Variants in SUMF1 observed in about 807,000 individuals in gnomAD.
SUMF1 encodes the protein formylglycine-generating enzyme.
SUMF1 carries 48 observed loss-of-function variants against 47.6 expected under a neutral mutation model. The observed-to-expected ratio is 1.01, with a 90% CI of 0.80 to 1.28. The LOEUF (loss-of-function observed/expected upper bound fraction) is 1.28. SUMF1 is among the 50% of genes most tolerant of loss of function. The probability of loss-of-function intolerance (pLI) is 0.00; values close to 1 mark genes in which losing one functional copy is unlikely to be tolerated. For missense variants in SUMF1, 571 were observed against 485.4 expected, an observed-to-expected ratio of 1.18 and a Z score of -1.66; for synonymous variants, 230 against 192.1, an observed-to-expected ratio of 1.20 and a Z score of -1.63.
At chr3:4,301,808 C>G (rs1697973406) in intron 8 of SUMF1, among the ~76,000 whole-genome samples, 1 of 152,178 alleles carries the variant, frequency 6.6e-6, no homozygotes, top group South Asian at 2.1e-4. Flanking sequence ...AACAGAAATG[C>G]TCAATCATTA....
At chr3:4,231,639 T>C (rs1487635074) in intron 8 of SUMF1, among the ~76,000 whole-genome samples, 1 of 152,152 alleles carries the variant, frequency 6.6e-6, no homozygotes, top group African/African-American at 2.4e-5. Flanking sequence ...TCTTCAAAAA[T>C]CAGGGGCAGG....
chr3:4,174,622 G>C (rs535995989), intron 8 of SUMF1, among the ~76,000 whole-genome samples: 4 of 152,086 alleles, frequency 2.6e-5, no homozygotes, highest in Non-Finnish European at 5.9e-5. Context: ...CATGATCAAC[G>C]CAGAAGACAG....
At chr3:4,268,499 C>CTTTT (rs61066874) in intron 8 of SUMF1, among the ~76,000 whole-genome samples, 1 of 117,312 alleles carries the variant, frequency 8.5e-6, no homozygotes. Context: ...AAATGTTTTT[C>CTTTT]TTTTTTTTTT....
intron 8 of SUMF1, among the ~76,000 whole-genome samples, chr3:4,125,808 C>G (rs1308932381): frequency 6.6e-6 from 1 of 152,122 alleles, no homozygotes; most frequent in East Asian, 1.9e-4. Flanking sequence ...CTCTGGGTAG[C>G]AGGGACTACA....
chr3:4,242,052 G>C (rs1193075539), intron 8 of SUMF1, among the ~76,000 whole-genome samples: 1 of 151,946 alleles, frequency 6.6e-6, no homozygotes. Context: ...CGTTGGTCTA[G>C]GGGTATGATC....
chr3:4,183,631 C>G (rs1358034702), intron 8 of SUMF1, among the ~76,000 whole-genome samples: 1 of 152,052 alleles, frequency 6.6e-6, no homozygotes, highest in African/African-American at 2.4e-5. Context: ...GGATCTACAC[C>G]TAAATAACTC....
chr3:4,077,591 G>C lies in SUMF1; in HGVS notation c.1015-8846C>G, dbSNP rs920196020. Among the ~76,000 whole-genome samples, 34 of 152,096 alleles carry C rather than the reference G, an allele frequency of 2.2e-4. 1 individual carries two copies. Among genetic ancestry groups the C allele is most frequent in the Admixed American group, 6.5e-5 (1 of 15,278 alleles). ...AAACACTGCATGTTCTCACTCATAA[G>C]TGGGAGTTCAACAATGAGAGCACAT... On this transcript the variant is annotated intron_variant and NMD_transcript_variant, in intron 8 of 12. Coordinates refer to the SUMF1 transcript ENST00000448413.
intron 8 of SUMF1, among the ~76,000 whole-genome samples, chr3:4,223,466 G>A (rs1436304638): frequency 1.3e-5 from 2 of 152,104 alleles, no homozygotes; most frequent in African/African-American, 4.8e-5. Flanking sequence ...GAGCATAGCA[G>A]CTGCTCACTT....
chr3:4,267,478 A>C (rs1697219639), intron 8 of SUMF1, among the ~76,000 whole-genome samples: 1 of 152,122 alleles, frequency 6.6e-6, no homozygotes, highest in African/African-American at 2.4e-5. Context: ...CGAGGAATTT[A>C]TCCATTTCTT....
At chr3:4,119,245 C>T (rs1262394575) in intron 8 of SUMF1, among the ~76,000 whole-genome samples, 1 of 152,124 alleles carries the variant, frequency 6.6e-6, no homozygotes, top group Non-Finnish European at 1.5e-5. Flanking sequence ...TCTTCAGATG[C>T]TATTCTCTTC....
At chr3:4,197,660 C>T (rs779395950) in intron 8 of SUMF1, among the ~76,000 whole-genome samples, 2 of 152,104 alleles carry the variant, frequency 1.3e-5, no homozygotes, top group African/African-American at 2.4e-5. Context: ...TAATCTTTAG[C>T]AAGTCTGTTC....
intron 8 of SUMF1, among the ~76,000 whole-genome samples, chr3:4,264,871 C>G (rs773204195): frequency 6.6e-6 from 1 of 152,274 alleles, no homozygotes; most frequent in East Asian, 1.9e-4. Context: ...CAGTGGCTCA[C>G]GCCTGTAATC....
chr3:4,117,358 A>G (rs1218229755), intron 8 of SUMF1, among the ~76,000 whole-genome samples: 2 of 152,094 alleles, frequency 1.3e-5, no homozygotes, highest in Non-Finnish European at 2.9e-5. Flanking sequence ...GGAAAAAAAA[A>G]TCTCATGGGA....
At chr3:4,188,107 C>A (rs1010048636) in intron 8 of SUMF1, among the ~76,000 whole-genome samples, 63 of 152,046 alleles carry the variant, frequency 4.1e-4, no homozygotes, top group African/African-American at 1.3e-3. Flanking sequence ...CAGAGTAGCA[C>A]ATGTGTACAA....
At chr3:4,307,178 A>G (rs755466652) in intron 8 of SUMF1, among the ~76,000 whole-genome samples, 15 of 152,232 alleles carry the variant, frequency 9.9e-5, no homozygotes, top group Non-Finnish European at 2.1e-4. Context: ...CCAGGTTTTA[A>G]GCCTAGAATG....
chr3:4,367,195 C>G (rs949822062), intron 8 of SUMF1, among the ~76,000 whole-genome samples: 132 of 152,214 alleles, frequency 8.7e-4, no homozygotes, highest in Non-Finnish European at 1.1e-3. Flanking sequence ...AGGAGGCAGT[C>G]TGCCCATTCT....
intron 8 of SUMF1, among the ~76,000 whole-genome samples, chr3:4,366,183 T>C (rs2819557): frequency 0.85 from 128,854 of 151,098 alleles, 57,190 homozygotes; most frequent in Non-Finnish European, 0.99. Flanking sequence ...GTGAATCTGA[T>C]AATTATGTGT....
chr3:4,253,923 G>T lies in SUMF1; in HGVS notation c.1014+122407C>A, dbSNP rs1048627581. On this transcript the variant is annotated intron_variant and NMD_transcript_variant, in intron 8 of 12. Coordinates refer to the SUMF1 transcript ENST00000448413. ...GCACGCAGCTGGAGATCTGAGAACT[G>T]GCAGACTGCCTCCTCAAGTGGGTCC... Among the ~76,000 whole-genome samples, 74 of 150,290 alleles carry T rather than the reference G, an allele frequency of 4.9e-4. 2 individuals are homozygous for T. The highest frequency in any genetic ancestry group is 2.2e-3 in the Admixed American group (34 of 15,134).
intron 8 of SUMF1, among the ~76,000 whole-genome samples, chr3:4,073,270 C>A (rs1218425154): frequency 6.6e-6 from 1 of 152,142 alleles, no homozygotes; most frequent in Non-Finnish European, 1.5e-5. Context: ...AGATCCTTTA[C>A]AGAGAAGCAA....
Sources: gnomAD v4.1 joint callset for allele counts (sites outside exome capture counted in the v4.1 genomes callset) on GRCh38, gnomAD v4.1.1 for gene constraint, MANE v1.5 for transcripts, NCBI Gene and HGNC (gene_info 2026-07-23, HGNC 2026-07-21) for gene names.